The following OPCML variants were observed in gnomAD, a reference collection of about 807,000 sequenced individuals.
OPCML encodes the protein opioid binding protein/cell adhesion molecule like, also known as opioid-binding protein/cell adhesion molecule.
A neutral mutation model predicts 37.8 loss-of-function variants in OPCML; 13 were observed. That is an observed-to-expected ratio of 0.34 (90% CI 0.22 to 0.55). The LOEUF is 0.55. Ranked by LOEUF, OPCML falls within the 20% of genes least tolerant of loss-of-function variation. The pLI, the probability that OPCML is intolerant of heterozygous loss-of-function variation, is 0.91. For synonymous variants in OPCML, 176 were observed against 168.8 expected (o/e 1.04, Z -0.33); for missense variants, 341 against 435.6 (o/e 0.78, Z 1.93).
intron 1 of OPCML, among the ~76,000 whole-genome samples, chr11:133,072,334 C>T (rs1389198193): frequency 2.0e-5 from 3 of 152,144 alleles, no homozygotes; most frequent in Admixed American, 2.0e-4. Flanking sequence ...TATTAAAGAA[C>T]TTTGCATTTG....
At chr11:132,718,540 G>C (rs1565804126) in intron 2 of OPCML, among the ~76,000 whole-genome samples, 2 of 152,160 alleles carry the variant, frequency 1.3e-5, no homozygotes, top group South Asian at 4.1e-4. Flanking sequence ...ACGGTGGGGT[G>C]AGTTCCCTAG....
At chr11:133,229,393 C>T (rs1005614244) in intron 1 of OPCML, among the ~76,000 whole-genome samples, 7 of 152,046 alleles carry the variant, frequency 4.6e-5, no homozygotes, top group Admixed American at 2.0e-4. Flanking sequence ...TATTTGACTT[C>T]GTAATGGCTC....
At chr11:132,817,055 A>G (rs185473015) in intron 2 of OPCML, 1 of 152,466 alleles carries the variant, frequency 6.6e-6, no homozygotes, top group East Asian at 1.9e-4. Context: ...GTAAGCGGCA[A>G]CAATGATGGC....
chr11:132,953,070 T>A (rs1375938076), intron 1 of OPCML, among the ~76,000 whole-genome samples: 1 of 152,144 alleles, frequency 6.6e-6, no homozygotes, highest in Non-Finnish European at 1.5e-5. Context: ...CTTTAGAATC[T>A]AAGGAGTATA....
chr11:133,341,708 C>A (rs949272873), intron 1 of OPCML, among the ~76,000 whole-genome samples: 1 of 152,136 alleles, frequency 6.6e-6, no homozygotes, highest in Non-Finnish European at 1.5e-5. Flanking sequence ...CACCTGAGGT[C>A]AGGAGTTCAA....
intron 7 of OPCML, among the ~76,000 whole-genome samples, chr11:132,423,733 G>A (rs1174325760): frequency 1.3e-5 from 2 of 152,214 alleles, no homozygotes; most frequent in African/African-American, 2.4e-5. Context: ...TGCAATTTAA[G>A]TAATTTGGTG....
intron 1 of OPCML, among the ~76,000 whole-genome samples, chr11:133,353,477 G>A (rs1469337625): frequency 1.3e-5 from 2 of 152,094 alleles, no homozygotes; most frequent in Non-Finnish European, 2.9e-5. Flanking sequence ...CCCTGTTTTG[G>A]CCAGTCATCT....
intron 1 of OPCML, among the ~76,000 whole-genome samples, chr11:132,964,611 A>C (rs772243667): frequency 6.6e-6 from 1 of 152,176 alleles, no homozygotes; most frequent in Non-Finnish European, 1.5e-5. Context: ...CCTGCTCACC[A>C]GTCCTCCCTG....
intron 1 of OPCML, among the ~76,000 whole-genome samples, chr11:133,268,747 T>C (rs939268332): frequency 1.3e-5 from 2 of 152,210 alleles, no homozygotes; most frequent in Non-Finnish European, 2.9e-5. Context: ...AGAGAATTTA[T>C]AGATTTCAAA....
chr11:133,498,434 T>C (rs1947831756), intron 1 of OPCML, among the ~76,000 whole-genome samples: 1 of 151,028 alleles, frequency 6.6e-6, no homozygotes, highest in Non-Finnish European at 1.5e-5. Context: ...CCCAGAAGAG[T>C]CAGAGAAAAG....
intron 2 of OPCML, among the ~76,000 whole-genome samples, chr11:132,861,699 G>A (rs1942307646): frequency 6.6e-6 from 1 of 152,072 alleles, no homozygotes; most frequent in Non-Finnish European, 1.5e-5. Context: ...GCCAGGCGTG[G>A]TGGCGTGCAC....
At chr11:132,851,549 C>T (rs1941810039) in intron 2 of OPCML, among the ~76,000 whole-genome samples, 1 of 152,114 alleles carries the variant, frequency 6.6e-6, no homozygotes, top group Non-Finnish European at 1.5e-5. Context: ...TTCACTTTTA[C>T]TACGATATTT....
At chr11:132,598,025 C>A (rs1245496391) in intron 3 of OPCML, among the ~76,000 whole-genome samples, 1 of 151,938 alleles carries the variant, frequency 6.6e-6, no homozygotes, top group East Asian at 1.9e-4. Context: ...ATATCTTCCA[C>A]GAAGCTTGCT....
chr11:132,730,900 G>A (rs572938785), intron 2 of OPCML, among the ~76,000 whole-genome samples: 11 of 152,330 alleles, frequency 7.2e-5, no homozygotes, highest in African/African-American at 2.2e-4. Context: ...CTGAACATGC[G>A]AAGAAAGGAT....
intron 1 of OPCML, among the ~76,000 whole-genome samples, chr11:133,464,662 CTG>C (rs1298719087): frequency 1.3e-5 from 2 of 152,038 alleles, no homozygotes; most frequent in Admixed American, 6.6e-5. Context: ...GTGTGAGAAA[CTG>C]AGATGAGGGC....
At chr11:132,780,165 G>T (rs75155512) in intron 2 of OPCML, among the ~76,000 whole-genome samples, 2 of 152,176 alleles carry the variant, frequency 1.3e-5, no homozygotes, top group Non-Finnish European at 2.9e-5. Flanking sequence ...CAACAATAAA[G>T]GGTCATGCAC....
rs1019860098 is a variant in OPCML, at chr11:133,304,893, C to A, written c.61+227371G>T. ...ATTGAGTTGATACAAAAGTAAAATT[C>A]ATTCACAACAATTTGCTGTATAGTC... On this transcript the variant is annotated intron_variant, in intron 1 of 7. Transcript: ENST00000524381. 5.9e-5 allele frequency among the ~76,000 whole-genome samples: 9 copies of A among 152,084 alleles called. No individual in the cohort carries two copies. In the East Asian group the frequency reaches 1.7e-3, roughly 29 times the overall value.
intron 2 of OPCML, among the ~76,000 whole-genome samples, chr11:132,660,919 G>A (rs1941948176): frequency 6.6e-6 from 1 of 152,176 alleles, no homozygotes; most frequent in Non-Finnish European, 1.5e-5. Flanking sequence ...ACTTACTCAA[G>A]CAGATCAACT....
At chr11:133,445,719 A>G (rs1280262937) in intron 1 of OPCML, among the ~76,000 whole-genome samples, 1 of 152,200 alleles carries the variant, frequency 6.6e-6, no homozygotes, top group African/African-American at 2.4e-5. Flanking sequence ...TTGGCTAAGA[A>G]AGTTGTCCTT....
Sources: gnomAD v4.1 joint callset for allele counts (sites outside exome capture counted in the v4.1 genomes callset) on GRCh38, gnomAD v4.1.1 for gene constraint, MANE v1.5 for transcripts, NCBI Gene and HGNC (gene_info 2026-07-23, HGNC 2026-07-21) for gene names.